The following FOXK1 variants were observed in gnomAD, a reference collection of about 807,000 sequenced individuals.
FOXK1 encodes forkhead box protein K1.
A neutral mutation model predicts 51.9 loss-of-function variants in FOXK1; 19 were observed. That is an observed-to-expected ratio of 0.37 (90% CI 0.26 to 0.54). The LOEUF (loss-of-function observed/expected upper bound fraction) is 0.54. Ranked by LOEUF, FOXK1 falls within the 20% of genes least tolerant of loss-of-function variation. The pLI is 0.87. For synonymous variants in FOXK1, 537 were observed against 482.6 expected, an observed-to-expected ratio of 1.11 and a Z score of -1.48; for missense variants, 870 against 1,032.7, an observed-to-expected ratio of 0.84 and a Z score of 2.16.
Position 4,686,932 on chromosome 7 carries a change from C to CTTT in FOXK1, c.560+4066_560+4068dup, listed in dbSNP as rs201341774. On this transcript the variant is annotated intron_variant, in intron 1 of 8. Transcript: ENST00000328914. Reference sequence around the variant, plus strand: ...TTCTTGATGCCACTTAATTTTTTTTCTTTTCTTTTTTTTTTTTTGAGACAG... The same window carrying CTTT: ...TTCTTGATGCCACTTAATTTTTTTTCTTTTTTTCTTTTTTTTTTTTTGAGACAG... Among the ~76,000 whole-genome samples, 12 of 145,634 alleles carry CTTT rather than the reference C, an allele frequency of 8.2e-5. 1 individual carries two copies. Among genetic ancestry groups the CTTT allele is most frequent in the African/African-American group, 3.0e-4 (11 of 37,040 alleles).
At position 4,765,433 on chromosome 7, in the gene FOXK1, G is replaced by A. The variant is rs77665079; in HGVS notation, c.*2969G>A. 0.017 allele frequency: 2,544 copies of A among 152,372 alleles called. 68 individuals carry two copies. Among genetic ancestry groups the A allele is most frequent in the African/African-American group, 0.058 (2,416 of 41,580 alleles). The allele number at this position is 152,372 out of a possible 1,614,324, so 9.4% of individuals were successfully genotyped here. ...GAGAGCCTCAGCCCCCAGCCTGGGC[G>A]GCCTGTGACCCTGAGCCGTGTGGAG... On this transcript the variant is annotated 3_prime_UTR_variant, in exon 9 of 9. Transcript: ENST00000328914.
intron 1 of FOXK1, among the ~76,000 whole-genome samples, chr7:4,721,835 C>T (rs1449505165): frequency 2.0e-5 from 3 of 151,930 alleles, no homozygotes; most frequent in Admixed American, 6.6e-5. Flanking sequence ...ATGTGATCCT[C>T]CTGCCTCGGC....
At position 4,759,082 on chromosome 7, in the gene FOXK1, C is replaced by G. The variant is rs779561561; in HGVS notation, c.1276C>G (p.Leu426Val). The change falls in exon 6 of 9, where the codon CTG becomes GTG. Residue 426 changes from leucine to valine, a missense_variant. Around this residue, in one of 3 missense-constraint regions of FOXK1, gnomAD observed 457 missense variants for 510.8 expected, o/e 0.89. Coordinates refer to ENST00000328914, the MANE Select transcript of FOXK1 (RefSeq NM_001037165.2). ...SAPASPTHPG[L>V]MSPRSGGLQT... ...TCCAGCTTCGCCCACACACCCCGGGCTGATGTCCCCTCGCTCCGGCGGCCT... is the reference window on the plus strand; with the variant it reads ...TCCAGCTTCGCCCACACACCCCGGGGTGATGTCCCCTCGCTCCGGCGGCCT... The G allele has an allele frequency of 3.1e-5, 50 of 1,608,784 alleles. No homozygotes were observed. Among genetic ancestry groups the G allele is most frequent in the Non-Finnish European group, 4.2e-5 (49 of 1,178,874 alleles).
intron 1 of FOXK1, among the ~76,000 whole-genome samples, chr7:4,719,398 C>A (rs1379974122): frequency 1.3e-5 from 2 of 152,186 alleles, no homozygotes; most frequent in African/African-American, 4.8e-5. Context: ...CCTCTGCCTC[C>A]CAACGTGCTG....
rs544686097 is a variant in FOXK1, at chr7:4,697,000, G to A, written c.560+14132G>A. 5.9e-5 allele frequency among the ~76,000 whole-genome samples: 9 copies of A among 152,302 alleles called. 1 individual carries two copies. The South Asian group carries it at 1.7e-3, about 28-fold the overall frequency. ...GGAGAATCCCTTGAACCCGGGAGGC[G>A]GAGGTTGCAGTGAGCCGAGATCATC... On this transcript the variant is annotated intron_variant, in intron 1 of 8. Coordinates refer to ENST00000328914, the MANE Select transcript of FOXK1 (RefSeq NM_001037165.2).
Position 4,767,974 on chromosome 7 carries a change from A to AT in FOXK1, c.*5512dup, listed in dbSNP as rs1184245279. ...TTGAATCTGTGGAAAGGATTGTCCC[A>AT]TTAGAGCTGCTGCGTCCTTTCCTCT... On this transcript the variant is annotated 3_prime_UTR_variant, in exon 9 of 9. Transcript: ENST00000328914. This position sits in a 1 kb window ranked among gnomAD's most constrained non-coding sequence, Gnocchi z 6.6. The AT allele has an allele frequency of 6.6e-6, 1 of 152,110 alleles. No individual in the cohort carries two copies. The highest frequency in any genetic ancestry group is 1.5e-5 in the Non-Finnish European group (1 of 68,046). The allele number at this position is 152,110 out of a possible 1,614,324, so 9.4% of individuals were successfully genotyped here. A position where few individuals can be genotyped will look rare whatever the true frequency, so the allele number is the denominator to read the frequency against.
chr7:4,750,786 C>T (rs1264254345), intron 2 of FOXK1, among the ~76,000 whole-genome samples: 2 of 151,592 alleles, frequency 1.3e-5, no homozygotes, highest in African/African-American at 4.8e-5. Context: ...CTCACTGCAA[C>T]CTCTGCCTCC....
chr7:4,719,111 G>GT (rs919641827), intron 1 of FOXK1, among the ~76,000 whole-genome samples: 6 of 127,832 alleles, frequency 4.7e-5, no homozygotes, highest in South Asian at 2.5e-4. Flanking sequence ...ACCCAACCTT[G>GT]TTTTTTTTGT....
In FOXK1 at chr7:4,749,674, C is replaced by T. The variant is rs1780749979; in HGVS notation, c.747-4785C>T. Among the ~76,000 whole-genome samples the T allele has an allele frequency of 6.6e-6, 1 of 152,238 alleles. No homozygotes were observed. The highest frequency in any genetic ancestry group is 2.4e-5 in the African/African-American group (1 of 41,466). The stretch of plus-strand genomic sequence containing the variant: ...TCCCTGGGCCTGCCGGAAGCGATAA[C>T]TGTCCCGACCCTAGGCCTCTCAGGG... On this transcript the variant is annotated intron_variant, in intron 2 of 8. Coordinates refer to ENST00000328914, the MANE Select transcript of FOXK1 (RefSeq NM_001037165.2). The surrounding 1 kb of genome is among the most constrained non-coding windows in gnomAD (Gnocchi z 6.0).
rs187688106 is a variant in FOXK1 at position 4,694,347 on chromosome 7, C to T, written c.560+11479C>T. On this transcript the variant is annotated intron_variant, in intron 1 of 8. Coordinates refer to ENST00000328914, the MANE Select transcript of FOXK1 (RefSeq NM_001037165.2). ...TTGGATAAACATAAAAATTCATTTT[C>T]TCCCTCCCCAGTCTGATAGGAACTC... Among the ~76,000 whole-genome samples, 8 of 152,174 alleles carry T rather than the reference C, an allele frequency of 5.3e-5. No individual in the cohort carries two copies. The South Asian group carries it at 1.0e-3, about 20-fold the overall frequency.
chr7:4,717,131 CTGGAAGGTGGTAGCGGGAGGCGTGTGGA>C (rs1780245164), intron 1 of FOXK1, among the ~76,000 whole-genome samples: 1 of 133,030 alleles, frequency 7.5e-6, no homozygotes, highest in Non-Finnish European at 1.6e-5. Flanking sequence ...AGGCATATGG[CTGGAAGGTGGTAGCGGGAGGCGTGTGGA>C]TGGAAGGTGA....
Position 4,740,831 on chromosome 7 carries a change from G to A in FOXK1, c.561-7G>A, listed in dbSNP as rs771955821. ...GCACCTCACACCCGCTCCTCCTCCTGTTGCAGGTGTACCTTCCGGTTTCCC... is the reference window on the plus strand; with the variant it reads ...GCACCTCACACCCGCTCCTCCTCCTATTGCAGGTGTACCTTCCGGTTTCCC... On this transcript the variant is annotated splice_polypyrimidine_tract_variant and splice_region_variant and intron_variant, in intron 1 of 8. Transcript: ENST00000328914. The A allele has an allele frequency of 1.9e-6, 3 of 1,589,200 alleles. No individual in the cohort carries two copies. In the African/African-American group the frequency reaches 4.1e-5, roughly 22 times the overall value.
intron 2 of FOXK1, among the ~76,000 whole-genome samples, chr7:4,752,154 T>G (rs1341812217): frequency 6.6e-6 from 1 of 152,200 alleles, no homozygotes; most frequent in Non-Finnish European, 1.5e-5. Context: ...TATTTATGTA[T>G]TTATTTATTT....
chr7:4,761,019 G>A lies in FOXK1; in HGVS notation c.1697-45G>A, dbSNP rs1583213711. On this transcript the variant is annotated intron_variant, in intron 7 of 8. Coordinates refer to ENST00000328914, the MANE Select transcript of FOXK1 (RefSeq NM_001037165.2). This position sits in a 1 kb window ranked among gnomAD's most constrained non-coding sequence, Gnocchi z 6.2. ...TGCCCAGGCGTCGAGGAAATCGATT[G>A]TCTCGTTGGCCGAGTGTGGTGCTGA... 1 of 1,568,542 alleles carries A rather than the reference G, an allele frequency of 6.4e-7. No homozygotes were observed. Among genetic ancestry groups the A allele is most frequent in the Non-Finnish European group, 8.8e-7 (1 of 1,142,184 alleles).
At chr7:4,686,862 GA>G (rs1180840968) in intron 1 of FOXK1, among the ~76,000 whole-genome samples, 1 of 151,300 alleles carries the variant, frequency 6.6e-6, no homozygotes, top group African/African-American at 2.4e-5. Flanking sequence ...CGGTTATGGG[GA>G]GGGGGGTGAG....
At chr7:4,746,156 G>A (rs1314110195) in intron 2 of FOXK1, among the ~76,000 whole-genome samples, 1 of 152,108 alleles carries the variant, frequency 6.6e-6, no homozygotes, top group Admixed American at 6.6e-5. Flanking sequence ...CGTACAATTC[G>A]GCGAAGGTCA....
At chr7:4,705,980 A>ACACG (rs1780089276) in intron 1 of FOXK1, among the ~76,000 whole-genome samples, 1 of 97,738 alleles carries the variant, frequency 1.0e-5, no homozygotes, top group Non-Finnish European at 1.9e-5. Flanking sequence ...ATACGTATAT[A>ACACG]TACGTATATA....
Position 4,733,908 on chromosome 7 carries a change from C to A in FOXK1, c.561-6930C>A, listed in dbSNP as rs1450354454. On this transcript the variant is annotated intron_variant, in intron 1 of 8. Coordinates refer to ENST00000328914, the MANE Select transcript of FOXK1 (RefSeq NM_001037165.2). This position sits in a 1 kb window ranked among gnomAD's most constrained non-coding sequence, Gnocchi z 5.0. ...GCCAGCGCCATGGGATTGGGGAAGC[C>A]ACAGGGACCTCCCAGCACGCGCCAA... Among the ~76,000 whole-genome samples, 1 of 152,142 alleles carries A rather than the reference C, an allele frequency of 6.6e-6. No homozygotes were observed. The highest frequency in any genetic ancestry group is 1.5e-5 in the Non-Finnish European group (1 of 68,020).
In FOXK1 at chr7:4,723,734, C is replaced by G. The variant is rs772500970; in HGVS notation, c.561-17104C>G. Among the ~76,000 whole-genome samples the G allele has an allele frequency of 6.6e-6, 1 of 152,242 alleles. No individual in the cohort carries two copies. Among genetic ancestry groups the G allele is most frequent in the Non-Finnish European group, 1.5e-5 (1 of 67,992 alleles). On this transcript the variant is annotated intron_variant, in intron 1 of 8. Coordinates refer to ENST00000328914, the MANE Select transcript of FOXK1 (RefSeq NM_001037165.2). The surrounding 1 kb of genome is among the most constrained non-coding windows in gnomAD (Gnocchi z 4.7). ...CCAGGCTGGAGTGCAGTGGTGCAAT[C>G]GTAGCTCACTGCAGCCTCAACCTCC...
Sources: gnomAD v4.1 joint callset for allele counts (sites outside exome capture counted in the v4.1 genomes callset) on GRCh38, gnomAD v4.1.1 for gene constraint, gnomAD v4.1.1 regional missense constraint, Gnocchi (gnomAD v3.1) non-coding constraint, MANE v1.5 for transcripts, NCBI Gene and HGNC (gene_info 2026-07-23, HGNC 2026-07-21) for gene names.